Variants in RTL4 observed in about 807,000 individuals in gnomAD.
RTL4 encodes retrotransposon Gag like 4.
RTL4 carries 4 observed loss-of-function variants against 5.3 expected under a neutral mutation model. The ratio of observed to expected loss-of-function variants is 0.75; its 90% CI spans 0.37 to 1.72. RTL4 has a LOEUF of 1.72. RTL4 is among the 40% of genes most tolerant of loss of function. The pLI is 0.04. For synonymous variants in RTL4, 98 were observed against 87.3 expected (o/e 1.12, Z -0.68); for missense variants, 260 against 227.1 (o/e 1.14, Z -0.93).
chrX:112,341,647 T>G, the RTL4 span, among the ~76,000 whole-genome samples: 2 of 111,958 alleles, frequency 1.8e-5, no homozygotes, highest in African/African-American at 6.5e-5. Flanking sequence ...AAGAAGTTAT[T>G]AACATAAAAA....
At chrX:112,243,502 C>T in the RTL4 span, among the ~76,000 whole-genome samples, 2 of 111,466 alleles carry the variant, frequency 1.8e-5, no homozygotes, top group Non-Finnish European at 3.8e-5. Flanking sequence ...TTATAGTATT[C>T]TCTGATGGTA....
chrX:112,250,767 G>A, the RTL4 span, among the ~76,000 whole-genome samples: 1 of 111,664 alleles, frequency 9.0e-6, no homozygotes, highest in African/African-American at 3.3e-5. Context: ...CTTAGGGACA[G>A]GTAACATTTA....
exon 1 of RTL4, chrX:112,456,930 G>T (rs891725543): frequency 8.1e-6 from 1 of 123,224 alleles, no homozygotes; most frequent in Non-Finnish European, 1.9e-5. Flanking sequence ...TGATGCTTCT[G>T]AACAAAAGTA....
chrX:112,398,401 T>C, the RTL4 span, among the ~76,000 whole-genome samples: 43 of 92,644 alleles, frequency 4.6e-4, no homozygotes, highest in African/African-American at 1.6e-3. Context: ...TCTTTCTTTT[T>C]TTTTTTTTTT....
the RTL4 span, among the ~76,000 whole-genome samples, chrX:112,225,051 C>G: frequency 5.4e-5 from 6 of 112,140 alleles, no homozygotes; most frequent in Non-Finnish European, 1.1e-4. Flanking sequence ...CTTTATTTTA[C>G]AGGCAAGAAA....
At chrX:112,400,618 T>G in the RTL4 span, among the ~76,000 whole-genome samples, 5,392 of 111,620 alleles carry the variant, frequency 0.048, 243 homozygotes, top group African/African-American at 0.14. Flanking sequence ...ATTGTTAATT[T>G]TATTTTACTG....
the RTL4 span, among the ~76,000 whole-genome samples, chrX:112,263,976 G>A: frequency 9.0e-6 from 1 of 111,601 alleles, no homozygotes; most frequent in East Asian, 2.8e-4. Flanking sequence ...GAGAAAAGGA[G>A]CTAATAGTGG....
the RTL4 span, among the ~76,000 whole-genome samples, chrX:112,262,811 T>G: frequency 1.8e-5 from 2 of 110,837 alleles, 1 homozygote; most frequent in Non-Finnish European, 3.8e-5. Context: ...CCATCAATGA[T>G]AGACTGGATT....
At chrX:112,349,998 G>C in the RTL4 span, among the ~76,000 whole-genome samples, 2 of 110,156 alleles carry the variant, frequency 1.8e-5, no homozygotes. Flanking sequence ...TTGGCTGTGG[G>C]TTTGTCATAG....
chrX:112,200,977 G>C, the RTL4 span, among the ~76,000 whole-genome samples: 1 of 111,725 alleles, frequency 9.0e-6, no homozygotes, highest in African/African-American at 3.3e-5. Flanking sequence ...CCTTGTATTA[G>C]TCCATTTTCA....
chrX:112,322,353 ATT>A, the RTL4 span, among the ~76,000 whole-genome samples: 565 of 101,555 alleles, frequency 5.6e-3, 5 homozygotes, highest in African/African-American at 0.02. Flanking sequence ...GGCGCTTTTC[ATT>A]TTTTTTTTTT....
the RTL4 span, chrX:112,381,593 A>G: frequency 3.4e-6 from 4 of 1,190,370 alleles, no homozygotes; most frequent in Non-Finnish European, 4.6e-6. Context: ...AAGTAGAGAG[A>G]TTGAGCGAAG....
At chrX:112,254,604 G>A in the RTL4 span, among the ~76,000 whole-genome samples, 75 of 111,108 alleles carry the variant, frequency 6.8e-4, no homozygotes, top group Admixed American at 7.1e-3. Flanking sequence ...TGGGATTACA[G>A]GTGTGAGCCA....
chrX:112,086,592 C>A, the RTL4 span, among the ~76,000 whole-genome samples: 9 of 112,167 alleles, frequency 8.0e-5, no homozygotes, highest in South Asian at 3.7e-4. Context: ...CTGTTCAAAT[C>A]AGTTGAGTAA....
At chrX:112,195,063 G>C in the RTL4 span, among the ~76,000 whole-genome samples, 1 of 112,059 alleles carries the variant, frequency 8.9e-6, no homozygotes, top group Non-Finnish European at 1.9e-5. Flanking sequence ...GATTGGACAA[G>C]ATAATCAACA....
the RTL4 span, among the ~76,000 whole-genome samples, chrX:112,343,625 G>A: frequency 8.9e-6 from 1 of 111,988 alleles, no homozygotes; most frequent in Non-Finnish European, 1.9e-5. Context: ...ATCTCCAAGA[G>A]GAAATTGCAG....
At chrX:112,437,824 TG>T in the RTL4 span, among the ~76,000 whole-genome samples, 1 of 52,720 alleles carries the variant, frequency 1.9e-5, no homozygotes, top group African/African-American at 7.3e-5. Context: ...GTGGTGGTGG[TG>T]GTGGTGGTGG....
At chrX:112,320,864 T>C in the RTL4 span, among the ~76,000 whole-genome samples, 164 of 112,170 alleles carry the variant, frequency 1.5e-3, 1 homozygote, top group African/African-American at 4.2e-3. Flanking sequence ...TTTATCTGTC[T>C]TTAAACATTT....
the RTL4 span, among the ~76,000 whole-genome samples, chrX:112,341,831 G>A: frequency 9.0e-6 from 1 of 111,514 alleles, no homozygotes; most frequent in Admixed American, 9.6e-5. Context: ...AAGGAAGACA[G>A]TAAACTTTTG....
Sources: gnomAD v4.1 joint callset for allele counts (sites outside exome capture counted in the v4.1 genomes callset) on GRCh38, gnomAD v4.1.1 for gene constraint, MANE v1.5 for transcripts, NCBI Gene and HGNC (gene_info 2026-07-23, HGNC 2026-07-21) for gene names.